UMAD1: variants seen among roughly 807,000 people sequenced by gnomAD.
The protein encoded by UMAD1 is UBAP1-MVB12-associated (UMA)-domain containing protein 1.
In UMAD1, 8 loss-of-function variants were observed where a neutral mutation model predicts 6.1. The observed-to-expected ratio is 1.30, with a 90% CI of 0.76 to 2.35. UMAD1 has a LOEUF of 2.35. UMAD1 is among the 30% of genes most tolerant of loss of function. The probability of loss-of-function intolerance (pLI) is 0.00; values close to 1 mark genes in which losing one functional copy is unlikely to be tolerated. For synonymous variants in UMAD1, 56 were observed against 31.4 expected (o/e 1.78, Z -2.61); for missense variants, 130 against 78.4 (o/e 1.66, Z -2.49).
intron 2 of UMAD1, among the ~76,000 whole-genome samples, chr7:7,700,724 C>G (rs867435615): frequency 6.6e-6 from 1 of 152,100 alleles, no homozygotes; most frequent in African/African-American, 2.4e-5. Context: ...CCTGTCTCTA[C>G]TAAAAATATA....
chr7:7,817,409 A>G (rs1461665528), intron 3 of UMAD1, among the ~76,000 whole-genome samples: 2 of 152,244 alleles, frequency 1.3e-5, no homozygotes, highest in African/African-American at 2.4e-5. Flanking sequence ...CTTGTTATCT[A>G]AGTATTACTC....
At chr7:7,765,113 G>C (rs921492721) in intron 2 of UMAD1, among the ~76,000 whole-genome samples, 8 of 151,410 alleles carry the variant, frequency 5.3e-5, no homozygotes, top group African/African-American at 1.9e-4. Flanking sequence ...TCCCAAATCT[G>C]ACAAATATAT....
chr7:7,802,584 C>T (rs1782824974), intron 3 of UMAD1, among the ~76,000 whole-genome samples: 1 of 152,090 alleles, frequency 6.6e-6, no homozygotes, highest in Admixed American at 6.5e-5. Context: ...ATTTAATCAC[C>T]AAAATAATCA....
chr7:7,705,227 G>A (rs1780568806), intron 2 of UMAD1, among the ~76,000 whole-genome samples: 1 of 152,178 alleles, frequency 6.6e-6, no homozygotes, highest in African/African-American at 2.4e-5. Context: ...CAAGATGATT[G>A]TAACGAAGTT....
In UMAD1 at chr7:7,761,103, G is replaced by GC. The variant is rs1781880579; in HGVS notation, c.83-40565dup. Among the ~76,000 whole-genome samples the GC allele has an allele frequency of 2.6e-5, 4 of 152,198 alleles. No homozygotes were observed. The South Asian group carries it at 8.3e-4, about 32-fold the overall frequency. ...ACCCCAGCTGGGCACGGTGGCTGACGCCTGTAATCCTAGTACTTTGGGAGG... is the reference window on the plus strand; with the variant it reads ...ACCCCAGCTGGGCACGGTGGCTGACGCCCTGTAATCCTAGTACTTTGGGAGG... On this transcript the variant is annotated intron_variant, in intron 2 of 3. Coordinates refer to ENST00000682710, the MANE Select transcript of UMAD1 (RefSeq NM_001302348.2).
intron 1 of UMAD1, among the ~76,000 whole-genome samples, chr7:7,662,389 A>T (rs2348555): frequency 6.6e-6 from 1 of 152,126 alleles, no homozygotes. Context: ...AGCTAGCTCG[A>T]TGTCTGCCTA....
chr7:7,779,015 A>G (rs1253046332), intron 2 of UMAD1, among the ~76,000 whole-genome samples: 2 of 152,108 alleles, frequency 1.3e-5, no homozygotes, highest in South Asian at 2.1e-4. Flanking sequence ...AGATAGGGAA[A>G]CTCAGGCACA....
At chr7:7,668,121 C>T (rs571672777) in intron 1 of UMAD1, among the ~76,000 whole-genome samples, 2 of 152,046 alleles carry the variant, frequency 1.3e-5, no homozygotes, top group South Asian at 2.1e-4. Flanking sequence ...GTCATGTTGC[C>T]CAGGCTGGTC....
chr7:7,778,560 C>T (rs770338546), intron 2 of UMAD1, among the ~76,000 whole-genome samples: 10 of 151,842 alleles, frequency 6.6e-5, no homozygotes, highest in Non-Finnish European at 1.3e-4. Flanking sequence ...GGGCTACAGG[C>T]GTGTGCCACC....
At chr7:7,868,604 A>G (rs6969177) in intron 3 of UMAD1, 79,495 of 151,316 alleles carry the variant, frequency 0.53, 23,139 homozygotes, top group African/African-American at 0.78. Flanking sequence ...ATCATGAGCC[A>G]GAAGGTAAAC....
At chr7:7,795,476 C>T (rs776126049) in intron 2 of UMAD1, among the ~76,000 whole-genome samples, 6 of 152,114 alleles carry the variant, frequency 3.9e-5, no homozygotes, top group Non-Finnish European at 7.4e-5. Context: ...AGATCTCCTG[C>T]AAGAAAGAAT....
chr7:7,657,446 G>A (rs374663995), intron 1 of UMAD1, among the ~76,000 whole-genome samples: 25 of 152,244 alleles, frequency 1.6e-4, no homozygotes, highest in African/African-American at 4.8e-4. Flanking sequence ...ATGATTTTAC[G>A]TCTTACGTTT....
At chr7:7,800,128 C>G (rs1273954425) in intron 2 of UMAD1, among the ~76,000 whole-genome samples, 3 of 152,226 alleles carry the variant, frequency 2.0e-5, no homozygotes, top group Admixed American at 2.0e-4. Context: ...AGTGATCCAC[C>G]CACCTTGGCC....
intron 2 of UMAD1, among the ~76,000 whole-genome samples, chr7:7,720,671 A>C (rs1209831871): frequency 6.6e-6 from 1 of 152,214 alleles, no homozygotes; most frequent in East Asian, 1.9e-4. Flanking sequence ...TTTGTAGAAG[A>C]AGCCAATTTG....
chr7:7,791,011 C>A (rs1025738232), intron 2 of UMAD1, among the ~76,000 whole-genome samples: 20 of 152,088 alleles, frequency 1.3e-4, no homozygotes, highest in African/African-American at 4.3e-4. Context: ...CTGTCTCAGC[C>A]CCCAAGTAGC....
intron 2 of UMAD1, among the ~76,000 whole-genome samples, chr7:7,763,243 T>A (rs1781925196): frequency 6.6e-6 from 1 of 152,240 alleles, no homozygotes; most frequent in Non-Finnish European, 1.5e-5. Context: ...AAATTATTTC[T>A]TTATTAATTT....
In UMAD1 at chr7:7,865,242, A is replaced by G. The variant is rs138813645; in HGVS notation, c.157-12039A>G. Among the ~76,000 whole-genome samples the G allele has an allele frequency of 1.7e-3, 261 of 152,330 alleles. 1 individual carries two copies. The highest frequency in any genetic ancestry group is 6.0e-3 in the African/African-American group (251 of 41,580). ...CCTGAATTTGTGATTGGCATCTGAA[A>G]TGGGCGCAGCCTTGTGAGACTGATC... On this transcript the variant is annotated intron_variant, in intron 3 of 3. Transcript: ENST00000682710.
rs28912692 is a variant in UMAD1, at chr7:7,708,433, C to T, written c.82+34980C>T. 6.8e-3 allele frequency among the ~76,000 whole-genome samples: 1,038 copies of T among 152,118 alleles called. 15 individuals carry two copies. Among genetic ancestry groups the T allele is most frequent in the African/African-American group, 0.024 (985 of 41,506 alleles). ...AAACAGTTACCCAAGTGTCAGTGAC[C>T]CTTATTCAATCACCCATGTATTTAT... On this transcript the variant is annotated intron_variant, in intron 2 of 3. Transcript: ENST00000682710.
chr7:7,754,713 A>G (rs1781742237), intron 2 of UMAD1, among the ~76,000 whole-genome samples: 1 of 152,222 alleles, frequency 6.6e-6, no homozygotes, highest in South Asian at 2.1e-4. Flanking sequence ...CATTATTGGA[A>G]AACTTCTAAG....
Sources: gnomAD v4.1 joint callset for allele counts (sites outside exome capture counted in the v4.1 genomes callset) on GRCh38, gnomAD v4.1.1 for gene constraint, MANE v1.5 for transcripts, NCBI Gene and HGNC (gene_info 2026-07-23, HGNC 2026-07-21) for gene names.